Variants in OR1F1 observed in about 807,000 individuals in gnomAD.
OR1F1 encodes olfactory receptor family 1 subfamily F member 1.
For missense variants in OR1F1, 493 were observed against 376.3 expected (o/e 1.31, Z -2.57); for synonymous variants, 184 against 156.7 (o/e 1.17, Z -1.30).
At chr16:3,188,460 T>C in the OR1F1 span, 6 of 152,130 alleles carry the variant, frequency 3.9e-5, no homozygotes, top group African/African-American at 1.4e-4. Flanking sequence ...GATTCCAGAG[T>C]ATGGCTGCTC....
chr16:3,200,668 A>G (rs995051114), upstream of OR1F1, among the ~76,000 whole-genome samples: 1 of 152,234 alleles, frequency 6.6e-6, no homozygotes, highest in African/African-American at 2.4e-5. Context: ...GAAGGCAGGT[A>G]AGATCAGAAT....
At chr16:3,204,324 C>T (rs1958173227) in exon 1 of OR1F1, 3 of 1,614,102 alleles carry the variant, frequency 1.9e-6, no homozygotes, top group Non-Finnish European at 2.5e-6. Flanking sequence ...AGCAGCATCT[C>T]CTCTTTGTGT....
the OR1F1 span, among the ~76,000 whole-genome samples, chr16:3,198,438 G>A: frequency 6.6e-6 from 1 of 152,120 alleles, no homozygotes; most frequent in Non-Finnish European, 1.5e-5. Context: ...GAGAGGACAG[G>A]CTTAACCCCT....
chr16:3,204,113 G>A (rs145967586), upstream of OR1F1: 63 of 662,018 alleles, frequency 9.5e-5, no homozygotes, highest in South Asian at 1.2e-3. Context: ...AGCCCCAGCA[G>A]GGTTGACAAT....
At chr16:3,199,850 T>C (rs1300378331), upstream of OR1F1, among the ~76,000 whole-genome samples, 1 of 151,814 alleles carries the variant, frequency 6.6e-6, no homozygotes, top group Non-Finnish European at 1.5e-5. Flanking sequence ...ACCCCGTCTC[T>C]ACTAAAAATA....
At chr16:3,206,476 C>T (rs965492970), downstream of OR1F1, among the ~76,000 whole-genome samples, 12 of 152,108 alleles carry the variant, frequency 7.9e-5, no homozygotes, top group Non-Finnish European at 1.3e-4. Context: ...TTTTAAAGTC[C>T]TTAATAAAAA....
At chr16:3,188,309 T>C in the OR1F1 span, 1 of 151,194 alleles carries the variant, frequency 6.6e-6, no homozygotes, top group Non-Finnish European at 1.5e-5. Context: ...ATCGCTCGCC[T>C]TGGTGAAATG....
the OR1F1 span, among the ~76,000 whole-genome samples, chr16:3,198,981 CA>C: frequency 6.6e-6 from 1 of 151,238 alleles, no homozygotes; most frequent in Non-Finnish European, 1.5e-5. Flanking sequence ...AAAACAAAAT[CA>C]AAACCCATTA....
the OR1F1 span, among the ~76,000 whole-genome samples, chr16:3,194,888 G>A: frequency 6.6e-6 from 1 of 152,196 alleles, no homozygotes; most frequent in African/African-American, 2.4e-5. Context: ...CTCCCAAAAT[G>A]CTGGGATTAC....
upstream of OR1F1, among the ~76,000 whole-genome samples, chr16:3,203,959 G>T (rs891469070): frequency 2.6e-5 from 4 of 152,062 alleles, no homozygotes; most frequent in African/African-American, 9.7e-5. Context: ...GAACTGTGGG[G>T]AACACAAACT....
At chr16:3,200,557 C>A (rs571569953), upstream of OR1F1, among the ~76,000 whole-genome samples, 2 of 152,342 alleles carry the variant, frequency 1.3e-5, no homozygotes, top group African/African-American at 4.8e-5. Context: ...AAGATTGCGC[C>A]ACTGCGCTCT....
the OR1F1 span, among the ~76,000 whole-genome samples, chr16:3,197,026 G>A: frequency 3.3e-5 from 5 of 152,066 alleles, no homozygotes; most frequent in Admixed American, 6.6e-5. Flanking sequence ...ACAGGAGTGC[G>A]CCACTGCACC....
chr16:3,199,786 C>A (rs112321345), upstream of OR1F1, among the ~76,000 whole-genome samples: 1 of 151,964 alleles, frequency 6.6e-6, no homozygotes, highest in Non-Finnish European at 1.5e-5. Context: ...GAGGCCAAGG[C>A]GGGCGGATCG....
At chr16:3,199,709 A>G (rs1958114227), upstream of OR1F1, among the ~76,000 whole-genome samples, 1 of 152,184 alleles carries the variant, frequency 6.6e-6, no homozygotes, top group Admixed American at 6.5e-5. Flanking sequence ...CTTGCAAAAG[A>G]AAAAGGATAT....
the OR1F1 span, among the ~76,000 whole-genome samples, chr16:3,197,959 A>G: frequency 1.3e-3 from 4 of 3,150 alleles, no homozygotes; most frequent in African/African-American, 3.3e-3. Context: ...GAGAGGGAGA[A>G]GGAGAGGGAG....
chr16:3,202,894 C>G (rs1402489537), upstream of OR1F1, among the ~76,000 whole-genome samples: 1 of 152,048 alleles, frequency 6.6e-6, no homozygotes, highest in African/African-American at 2.4e-5. Context: ...ACTAGCTTTT[C>G]TAAGGCTATA....
At chr16:3,196,627 A>AT in the OR1F1 span, among the ~76,000 whole-genome samples, 1 of 151,280 alleles carries the variant, frequency 6.6e-6, no homozygotes, top group Non-Finnish European at 1.5e-5. Context: ...GGCTCAAGAG[A>AT]TCCCCCTGCG....
chr16:3,196,400 T>G, the OR1F1 span, among the ~76,000 whole-genome samples: 5 of 151,664 alleles, frequency 3.3e-5, no homozygotes, highest in African/African-American at 4.9e-5. Context: ...TATTATTATT[T>G]TGAGATGGGG....
chr16:3,193,932 A>C, the OR1F1 span, among the ~76,000 whole-genome samples: 1 of 152,126 alleles, frequency 6.6e-6, no homozygotes, highest in East Asian at 1.9e-4. Context: ...CAGTGGCCTG[A>C]TGGATAAGGT....
Sources: gnomAD v4.1 joint callset for allele counts (sites outside exome capture counted in the v4.1 genomes callset) on GRCh38, gnomAD v4.1.1 for gene constraint, MANE v1.5 for transcripts, NCBI Gene and HGNC (gene_info 2026-07-23, HGNC 2026-07-21) for gene names.